Variants in KRT85 observed in about 807,000 individuals in gnomAD.
KRT85 encodes keratin 85, also known as keratin, type II cuticular Hb5.
KRT85 carries 39 observed loss-of-function variants against 53.7 expected under a neutral mutation model. The observed-to-expected ratio is 0.73, with a 90% CI of 0.56 to 0.95. KRT85 has a LOEUF of 0.95. Ranked by LOEUF, KRT85 falls within the 40% of genes least tolerant of loss-of-function variation. The pLI, the probability that KRT85 is intolerant of heterozygous loss-of-function variation, is 0.00. For synonymous variants in KRT85, 291 were observed against 277.5 expected (o/e 1.05, Z -0.48); for missense variants, 668 against 686.0 (o/e 0.97, Z 0.29).
At position 52,362,431 on chromosome 12, in the gene KRT85, T is replaced by C. The variant is rs1259770255; in HGVS notation, c.1118A>G (p.Gln373Arg). The change falls in exon 7 of 9, where the codon CAG (glutamine) becomes CGG (arginine). Residue 373 changes from glutamine (Q) to arginine (R), a missense_variant. Gln to Arg is a conservative substitution (Grantham distance 43, BLOSUM62 1). Transcript: ENST00000257901. ...GGCATCGCTGAGGGCCGCCTCACCC[T>C]GCTGCTCTGCCTCAGCCACAGCAGC... The part of the protein sequence containing the change: ...LEAAVAEAEQ[Q>R]GEAALSDARC... 1.2e-6 allele frequency: 2 copies of C among 1,614,044 alleles called. No homozygotes were observed. The highest frequency in any genetic ancestry group is 1.3e-5 in the African/African-American group (1 of 74,932).
rs1290038394 is a variant in KRT85, at chr12:52,364,183, G to C, written c.691-20C>G. Reference sequence around the variant, plus strand: ...CACGTCCTGGCCGTGGGACAAAGAGGAGGGGACATGCATGTGAGAGGAGAC... The same window carrying C: ...CACGTCCTGGCCGTGGGACAAAGAGCAGGGGACATGCATGTGAGAGGAGAC... On this transcript the variant is annotated intron_variant, in intron 3 of 8. Coordinates refer to ENST00000257901, the MANE Select transcript of KRT85 (RefSeq NM_002283.4). 6.2e-7 allele frequency: 1 copy of C among 1,613,622 alleles called. No individual in the cohort carries two copies. The highest frequency in any genetic ancestry group is 8.5e-7 in the Non-Finnish European group (1 of 1,179,610).
At chr12:52,362,790 C>A in intron 6 of KRT85, 64 bp downstream of exon 6, 1 of 1,613,562 alleles carries the variant, frequency 6.2e-7, no homozygotes, top group Admixed American at 1.7e-5. Flanking sequence ...CACTGTGAAG[C>A]CTGATTAGGG....
intron 1 of KRT85, among the ~76,000 whole-genome samples, chr12:52,366,001 C>T (rs1012073960): frequency 1.3e-5 from 2 of 152,212 alleles, no homozygotes; most frequent in Non-Finnish European, 2.9e-5. Flanking sequence ...CCTCTGCCCC[C>T]AAACCCTGAT....
At chr12:52,365,851 G>T (rs964196541) in intron 1 of KRT85, among the ~76,000 whole-genome samples, 1 of 152,138 alleles carries the variant, frequency 6.6e-6, no homozygotes, top group African/African-American at 2.4e-5. Context: ...TCCCCCTACA[G>T]CATGTCTGAG....
At chr12:52,365,212 G>A in intron 1 of KRT85, 42 bp from the exon 2 acceptor site, 1 of 1,602,084 alleles carries the variant, frequency 6.2e-7, no homozygotes, top group Non-Finnish European at 8.5e-7. Context: ...GGAGCCTGGG[G>A]GGAGGCACCT....
rs534180708 is a variant in KRT85, at chr12:52,367,102, C to G, written c.304G>C (p.Glu102Gln). The change falls in exon 1 of 9, where the codon GAG becomes CAG. Residue 102 changes from glutamate (E) to glutamine (Q), a missense_variant. Glu to Gln is a conservative substitution (Grantham distance 29). Coordinates refer to ENST00000257901, the MANE Select transcript of KRT85 (RefSeq NM_002283.4). Reference sequence around the variant, plus strand: ...AGGTTGAGGGGCGTGAGGAGGCTCTCGTTGACCGACACGGTAGTGATGCAT... The same window carrying G: ...AGGTTGAGGGGCGTGAGGAGGCTCTGGTTGACCGACACGGTAGTGATGCAT... ...PPCITTVSVNESLLTPLNLEI... is the reference protein window; with the variant it reads ...PPCITTVSVNQSLLTPLNLEI... The G allele has an allele frequency of 1.9e-6, 3 of 1,613,342 alleles. No homozygotes were observed. Among genetic ancestry groups the G allele is most frequent in the South Asian group, 2.2e-5 (2 of 91,050 alleles).
At chr12:52,362,146 A>G (rs1016820988) in intron 7 of KRT85, 105 bp downstream of exon 7, 8 of 1,383,214 alleles carry the variant, frequency 5.8e-6, no homozygotes, top group Non-Finnish European at 8.2e-6. Flanking sequence ...AAGCTATTGT[A>G]TTAGCCATGG....
chr12:52,361,381 C>T, intron 8 of KRT85, 86 bp downstream of exon 8: 1 of 1,260,228 alleles, frequency 7.9e-7, no homozygotes, highest in Non-Finnish European at 1.2e-6. Flanking sequence ...TGGGGGAACA[C>T]TCGAGGCTCC....
intron 1 of KRT85, among the ~76,000 whole-genome samples, chr12:52,366,193 C>A (rs1048042650): frequency 2.6e-5 from 4 of 152,250 alleles, no homozygotes; most frequent in African/African-American, 9.6e-5. Context: ...TGGCCACCTC[C>A]CTGTCTGCAT....
In KRT85 at chr12:52,367,186, C is replaced by T. The variant is rs746139185; in HGVS notation, c.220G>A (p.Gly74Ser). 116 of 1,613,654 alleles carry T rather than the reference C, an allele frequency of 7.2e-5. No individual in the cohort carries two copies. In the Middle Eastern group the frequency reaches 1.9e-3, roughly 26 times the overall value. ...TAGCCGAAGCTGCGTCCGCAGGAGCCGGCTCGGAAGCCACCTACAGCTATC... is the reference window on the plus strand; with the variant it reads ...TAGCCGAAGCTGCGTCCGCAGGAGCTGGCTCGGAAGCCACCTACAGCTATC... ...PRIAVGGFRA[G>S]SCGRSFGYRS... Residue 74 changes from glycine (G) to serine (S), a missense_variant, in exon 1 of 9, where the codon GGC (glycine) becomes AGC (serine). Physicochemically the swap from Gly to Ser is moderately conservative, Grantham distance 56. This residue lies in a region of KRT85 where 158 missense variants were observed against 141.8 expected (regional missense o/e 1.11). Coordinates refer to ENST00000257901, the MANE Select transcript of KRT85 (RefSeq NM_002283.4).
chr12:52,367,165 C>T lies in KRT85; in HGVS notation c.241G>A (p.Gly81Ser), dbSNP rs754976240. The T allele has an allele frequency of 1.4e-5, 22 of 1,613,568 alleles. No homozygotes were observed. Among genetic ancestry groups the T allele is most frequent in the Middle Eastern group, 1.8e-4 (1 of 5,704 alleles). The change falls in exon 1 of 9, where the codon GGC becomes AGC. Residue 81 changes from glycine to serine, a missense_variant. Gly to Ser is a moderately conservative substitution (Grantham distance 56). Around this residue, in one of 3 missense-constraint regions of KRT85, gnomAD observed 158 missense variants for 141.8 expected, o/e 1.11. Coordinates refer to ENST00000257901, the MANE Select transcript of KRT85 (RefSeq NM_002283.4). ...FRAGSCGRSF[G>S]YRSGGVCGPS... ...CCGCACACGCCCCCGGAGCGGTAGCCGAAGCTGCGTCCGCAGGAGCCGGCT... is the reference window on the plus strand; with the variant it reads ...CCGCACACGCCCCCGGAGCGGTAGCTGAAGCTGCGTCCGCAGGAGCCGGCT...
At chr12:52,365,392 A>G (rs1939257989) in intron 1 of KRT85, among the ~76,000 whole-genome samples, 1 of 152,180 alleles carries the variant, frequency 6.6e-6, no homozygotes, top group Admixed American at 6.5e-5. Context: ...CCCAGTTTTG[A>G]TACTTTAGAG....
intron 4 of KRT85, 144 bp downstream of exon 4, chr12:52,363,918 TGTGGGC>T: frequency 1.3e-6 from 1 of 746,846 alleles, no homozygotes; most frequent in South Asian, 1.4e-5. Flanking sequence ...GCCTCTGTAT[TGTGGGC>T]CCCAGCACGT....
chr12:52,361,355 G>A (rs147844084), intron 8 of KRT85, 112 bp downstream of exon 8: 4 of 1,000,600 alleles, frequency 4.0e-6, no homozygotes, highest in South Asian at 3.9e-5. Context: ...GAGGAGCCAG[G>A]GGAGGGTGAA....
At position 52,360,837 on chromosome 12, in the gene KRT85, TGGCTCCATGACTCTACTA is replaced by T. The variant is rs755977926; in HGVS notation, c.1522_*15del. The T allele has an allele frequency of 6.2e-7, 1 of 1,611,812 alleles. No homozygotes were observed. The highest frequency in any genetic ancestry group is 8.5e-7 in the Non-Finnish European group (1 of 1,179,654). On this transcript the variant is annotated stop_lost and 3_prime_UTR_variant, in exon 9 of 9. Transcript: ENST00000257901. Reference sequence around the variant, plus strand: ...CAGGCAGGTGCTTGGCAGGAAGCCCTGGCTCCATGACTCTACTAGGCAAAGCGGACCGACCGGCTACTC... The same window carrying T: ...CAGGCAGGTGCTTGGCAGGAAGCCCTGGCAAAGCGGACCGACCGGCTACTC...
intron 6 of KRT85, 82 bp from the exon 7 acceptor site, chr12:52,362,553 GAGA>G: frequency 6.5e-7 from 1 of 1,545,044 alleles, no homozygotes; most frequent in Non-Finnish European, 8.8e-7. Context: ...CCAGGGCAGG[GAGA>G]GGAGGGTCCT....
At chr12:52,366,807 C>T (rs1939278166) in intron 1 of KRT85, among the ~76,000 whole-genome samples, 179 bp downstream of exon 1, 1 of 152,182 alleles carries the variant, frequency 6.6e-6, no homozygotes, top group South Asian at 2.1e-4. Flanking sequence ...CACACCTGGA[C>T]CTCGTTAAAT....
Position 52,363,129 on chromosome 12 carries a change from C to A in KRT85, c.951+117G>T, listed in dbSNP as rs10876280. The A allele has an allele frequency of 0.44, 675,369 of 1,550,484 alleles. 151,426 individuals carry two copies. Among genetic ancestry groups the A allele is most frequent in the South Asian group, 0.53 (46,381 of 88,064 alleles). ...GCCACTTCAACCTGAGAACTACTGG[C>A]TTTTCTCATACTGTCCTCATGGGTC... On this transcript the variant is annotated intron_variant, in intron 5 of 8. Transcript: ENST00000257901.
chr12:52,362,959 C>T lies in KRT85; in HGVS notation c.972G>A (p.Thr324=), dbSNP rs774088806. The T allele has an allele frequency of 3.2e-5, 52 of 1,614,032 alleles. No homozygotes were observed. The highest frequency in any genetic ancestry group is 1.3e-4 in the East Asian group (6 of 44,874). ...YRSKCEEMKA[T]VIRHGETLRR... The stretch of plus-strand genomic sequence containing the variant: ...GCAGGGTCTCCCCATGCCTGATCAC[C>T]GTGGCCTTCATCTCCTCACACTGGA... Residue 324 remains threonine, a synonymous_variant, in exon 6 of 9, where the codon ACG becomes ACA. Transcript: ENST00000257901.
Sources: allele counts gnomAD v4.1 joint callset (sites outside exome capture counted in the v4.1 genomes callset), GRCh38; gene constraint gnomAD v4.1.1; regional missense constraint gnomAD v4.1.1; transcripts MANE v1.5; gene names NCBI Gene and HGNC (gene_info 2026-07-23, HGNC 2026-07-21).